The following XPO7 variants were observed in gnomAD, a reference collection of about 807,000 sequenced individuals.
The protein encoded by XPO7 is exportin-7.
A neutral mutation model predicts 144.3 loss-of-function variants in XPO7; 21 were observed. That is an observed-to-expected ratio of 0.15 (90% CI 0.10 to 0.21). The LOEUF (loss-of-function observed/expected upper bound fraction) is 0.21. Ranked by LOEUF, XPO7 falls within the 10% of genes least tolerant of loss-of-function variation. The probability of loss-of-function intolerance (pLI) is 1.00; values close to 1 mark genes in which losing one functional copy is unlikely to be tolerated. For missense variants in XPO7, 808 were observed against 1,325.8 expected (o/e 0.61, Z 6.06); for synonymous variants, 580 against 499.6 (o/e 1.16, Z -2.15).
intron 1 of XPO7, among the ~76,000 whole-genome samples, chr8:21,928,674 T>C (rs1410200717): frequency 2.0e-5 from 3 of 152,246 alleles, no homozygotes; most frequent in Non-Finnish European, 1.5e-5. Flanking sequence ...TATCTCAGGC[T>C]TGCAAACCAG....
At chr8:22,001,778 T>G (rs1813156305) in intron 24 of XPO7, among the ~76,000 whole-genome samples, 1 of 152,200 alleles carries the variant, frequency 6.6e-6, no homozygotes, top group South Asian at 2.1e-4. Flanking sequence ...AAATTAGAGA[T>G]AACACCTATA....
At chr8:22,004,957 CACTCTCCT>C in intron 27 of XPO7, 30 bp from the exon 28 acceptor site, 1 of 1,158,774 alleles carries the variant, frequency 8.6e-7, no homozygotes, top group Non-Finnish European at 1.2e-6. Flanking sequence ...CTTTCCCCCC[CACTCTCCT>C]CCCCCAACCC....
chr8:21,995,685 G>T, intron 21 of XPO7, 86 bp downstream of exon 21: 1 of 1,063,496 alleles, frequency 9.4e-7, no homozygotes, highest in Non-Finnish European at 1.3e-6. Flanking sequence ...GCAGATTGTG[G>T]GAAATAATAA....
In XPO7 at chr8:21,970,027, T is replaced by A. The variant is rs952563238; in HGVS notation, c.260-117T>A. 124 of 1,202,764 alleles carry A rather than the reference T, an allele frequency of 1.0e-4. No homozygotes were observed. In the African/African-American group the frequency reaches 1.7e-3, roughly 17 times the overall value. The allele number at this position is 1,202,764 out of a possible 1,614,324, so 74.5% of individuals were successfully genotyped here. A position where few individuals can be genotyped will look rare whatever the true frequency, so the allele number is the denominator to read the frequency against. ...GCATAAATAATTAAGACAGTTTGGGTTAAATAGTCTAAATTTATAATTTCT... is the reference window on the plus strand; with the variant it reads ...GCATAAATAATTAAGACAGTTTGGGATAAATAGTCTAAATTTATAATTTCT... On this transcript the variant is annotated intron_variant, in intron 3 of 27. Transcript: ENST00000252512.
At chr8:21,980,288 C>A (rs1009309860) in intron 9 of XPO7, 85 bp downstream of exon 9, 1 of 1,442,536 alleles carries the variant, frequency 6.9e-7, no homozygotes, top group Non-Finnish European at 9.2e-7. Context: ...TCCCAAGGCC[C>A]AGTAAACAAT....
At chr8:21,990,706 A>G (rs780347385) in intron 17 of XPO7, 105 bp from the exon 18 acceptor site, 218 of 1,187,116 alleles carry the variant, frequency 1.8e-4, no homozygotes, top group Non-Finnish European at 2.5e-4. Flanking sequence ...AGGAATGACT[A>G]CATAACCATT....
At chr8:21,976,285 T>C in intron 6 of XPO7, 71 bp from the exon 7 acceptor site, 14 of 1,540,068 alleles carry the variant, frequency 9.1e-6, no homozygotes, top group South Asian at 2.5e-5. Context: ...CTTAACAGCT[T>C]TGTTGAGTCT....
Position 21,966,988 on chromosome 8 carries a change from C to G in XPO7, c.150C>G (p.Leu50=), listed in dbSNP as rs1039715745. 4.3e-6 allele frequency: 7 copies of G among 1,613,266 alleles called. No homozygotes were observed. The African/African-American group carries it at 6.7e-5, about 15-fold the overall frequency. ...ATTGCCTGAGCAAGTGCCAGCTACT[C>G]CTCGAAAGAGGAAGTGTGCGTAAGA... The part of the protein sequence containing the change: ...SPDCLSKCQL[L]LERGSSSYSQ... The change falls in exon 2 of 28, where the codon CTC becomes CTG. Residue 50 remains leucine, a synonymous_variant. Coordinates refer to ENST00000252512, the MANE Select transcript of XPO7 (RefSeq NM_015024.5).
chr8:21,952,045 TCTCTC>T (rs1017332859), intron 1 of XPO7, among the ~76,000 whole-genome samples: 10 of 152,216 alleles, frequency 6.6e-5, no homozygotes, highest in Non-Finnish European at 1.3e-4. Flanking sequence ...AGGTGTTACT[TCTCTC>T]CTTTCCTAGG....
intron 21 of XPO7, among the ~76,000 whole-genome samples, chr8:21,997,130 C>T (rs1358792415): frequency 6.6e-6 from 1 of 152,118 alleles, no homozygotes; most frequent in African/African-American, 2.4e-5. Flanking sequence ...TTTAAAACAA[C>T]CTTATGGAGT....
At chr8:21,927,538 CTTT>C (rs576510771) in intron 1 of XPO7, among the ~76,000 whole-genome samples, 1 of 120,542 alleles carries the variant, frequency 8.3e-6, no homozygotes, top group Admixed American at 8.5e-5. Context: ...AAAAACCAAC[CTTT>C]TTTTTTTTTT....
chr8:21,921,170 G>A (rs1377810135), intron 1 of XPO7, among the ~76,000 whole-genome samples: 1 of 152,154 alleles, frequency 6.6e-6, no homozygotes, highest in Non-Finnish European at 1.5e-5. Context: ...TAATAGTATA[G>A]CACCTTGCGT....
intron 4 of XPO7, among the ~76,000 whole-genome samples, chr8:21,971,134 T>C (rs1812049404): frequency 6.6e-6 from 1 of 152,246 alleles, no homozygotes; most frequent in Admixed American, 6.5e-5. Flanking sequence ...TATAGTCACG[T>C]GGTGTACAAG....
intron 5 of XPO7, among the ~76,000 whole-genome samples, chr8:21,972,578 CT>C (rs764533440): frequency 6.6e-6 from 1 of 152,172 alleles, no homozygotes; most frequent in Non-Finnish European, 1.5e-5. Flanking sequence ...CTCCTATATA[CT>C]TTAAATTTTT....
chr8:21,923,542 A>C (rs925410381), intron 1 of XPO7, among the ~76,000 whole-genome samples: 1 of 152,248 alleles, frequency 6.6e-6, no homozygotes, highest in African/African-American at 2.4e-5. Flanking sequence ...CTCTGACTTT[A>C]GTATATTTCC....
chr8:21,927,071 G>T (rs1207915456), intron 1 of XPO7, among the ~76,000 whole-genome samples: 1 of 152,038 alleles, frequency 6.6e-6, no homozygotes, highest in Non-Finnish European at 1.5e-5. Context: ...TAGGTGAATT[G>T]AACCTGAGCA....
intron 1 of XPO7, among the ~76,000 whole-genome samples, chr8:21,920,365 GCCCGGAGGGCCGAGCTC>G (rs1463888108): frequency 1.3e-5 from 2 of 151,778 alleles, no homozygotes; most frequent in African/African-American, 4.8e-5. Context: ...AAATCGTACA[GCCCGGAGGGCCGAGCTC>G]CCCGGTCTTC....
chr8:21,940,595 A>G (rs1810958925), intron 1 of XPO7, among the ~76,000 whole-genome samples: 1 of 151,368 alleles, frequency 6.6e-6, no homozygotes. Flanking sequence ...TTAGCCTCCC[A>G]GTAGCTGGAA....
intron 19 of XPO7, among the ~76,000 whole-genome samples, 154 bp downstream of exon 19, chr8:21,992,128 G>A (rs1414857519): frequency 1.3e-5 from 2 of 152,046 alleles, no homozygotes; most frequent in Non-Finnish European, 2.9e-5. Flanking sequence ...GTATAGATTT[G>A]TAAACTTCTG....
Sources: allele counts gnomAD v4.1 joint callset (sites outside exome capture counted in the v4.1 genomes callset), GRCh38; gene constraint gnomAD v4.1.1; transcripts MANE v1.5; gene names NCBI Gene and HGNC (gene_info 2026-07-23, HGNC 2026-07-21).